ATP10A: variants seen among roughly 807,000 people sequenced by gnomAD.
ATP10A encodes phospholipid-transporting ATPase VA.
Under a neutral mutation model 147.8 loss-of-function variants are expected in ATP10A, and 111 were observed. The ratio of observed to expected loss-of-function variants is 0.75; its 90% CI spans 0.64 to 0.88. The LOEUF (loss-of-function observed/expected upper bound fraction) is 0.88, where lower values mean the gene tolerates loss of function less well. ATP10A is among the 40% of genes least tolerant of loss of function. The probability of loss-of-function intolerance (pLI) is 0.00; values close to 1 mark genes in which losing one functional copy is unlikely to be tolerated. For synonymous variants in ATP10A, 875 were observed against 841.6 expected, an observed-to-expected ratio of 1.04 and a Z score of -0.69; for missense variants, 1,927 against 1,959.0, an observed-to-expected ratio of 0.98 and a Z score of 0.31.
chr15:25,690,893 G>C (rs1289832759), intron 15 of ATP10A, among the ~76,000 whole-genome samples: 1 of 152,176 alleles, frequency 6.6e-6, no homozygotes, highest in African/African-American at 2.4e-5. Context: ...CAAGTGTCAA[G>C]GACCAGCCGT....
downstream of ATP10A, among the ~76,000 whole-genome samples, chr15:25,677,039 G>A (rs765721154): frequency 6.6e-6 from 1 of 151,926 alleles, no homozygotes; most frequent in Non-Finnish European, 1.5e-5. Context: ...AAAGTGAAGA[G>A]GACATAGTAT....
At chr15:25,829,981 T>C (rs1285244667) in intron 1 of ATP10A, among the ~76,000 whole-genome samples, 1 of 152,090 alleles carries the variant, frequency 6.6e-6, no homozygotes, top group African/African-American at 2.4e-5. Context: ...CTCAGGTGTG[T>C]GCTAGGGGCC....
intron 17 of ATP10A, among the ~76,000 whole-genome samples, chr15:25,682,927 G>A (rs1187377244): frequency 2.0e-5 from 3 of 152,136 alleles, no homozygotes; most frequent in African/African-American, 4.8e-5. Context: ...GTGGCTCAGT[G>A]GCTTCCTTGT....
intron 13 of ATP10A, among the ~76,000 whole-genome samples, chr15:25,698,374 C>T (rs924481044): frequency 3.3e-5 from 5 of 152,098 alleles, no homozygotes; most frequent in African/African-American, 4.8e-5. Context: ...AGTGAAGATC[C>T]GCTTTCACTT....
intron 1 of ATP10A, among the ~76,000 whole-genome samples, chr15:25,787,999 G>C (rs1040139740): frequency 6.6e-6 from 1 of 152,134 alleles, no homozygotes. Context: ...GTTCCCGCTA[G>C]GGCAGGGTAG....
At chr15:25,737,110 G>A (rs574012596) in intron 2 of ATP10A, among the ~76,000 whole-genome samples, 16 of 152,218 alleles carry the variant, frequency 1.1e-4, no homozygotes, top group Admixed American at 6.5e-4. Context: ...CTAGATAATC[G>A]TAGCTCGATT....
At chr15:25,838,087 T>C (rs1327891483) in intron 1 of ATP10A, among the ~76,000 whole-genome samples, 1 of 152,202 alleles carries the variant, frequency 6.6e-6, no homozygotes, top group Non-Finnish European at 1.5e-5. Context: ...TCATTAAACA[T>C]GAACCAGCAT....
chr15:25,725,482 C>T (rs1447366323), intron 5 of ATP10A, among the ~76,000 whole-genome samples: 1 of 152,136 alleles, frequency 6.6e-6, no homozygotes, highest in East Asian at 1.9e-4. Context: ...CTCTGTCATG[C>T]CCATTCACCC....
chr15:25,695,157 C>G lies in ATP10A; in HGVS notation c.2761-11G>C. The G allele has an allele frequency of 6.2e-7, 1 of 1,600,296 alleles. No homozygotes were observed. ...GGCTGCACACGCCTCCTGAAAGGGA[C>G]ATGAGAGGACAGCGCAGTTCCCTCA... On this transcript the variant is annotated splice_polypyrimidine_tract_variant and intron_variant, in intron 13 of 20. Transcript: ENST00000555815.
intron 2 of ATP10A, among the ~76,000 whole-genome samples, chr15:25,750,212 A>T: frequency 6.6e-6 from 1 of 152,128 alleles, no homozygotes; most frequent in East Asian, 1.9e-4. Context: ...TGTGTTATGT[A>T]CAAAGGAACA....
intron 1 of ATP10A, among the ~76,000 whole-genome samples, chr15:25,847,514 G>A (rs1344356201): frequency 2.8e-5 from 4 of 145,258 alleles, no homozygotes; most frequent in South Asian, 2.2e-4. Context: ...TTTTTCCACC[G>A]TATCATGATC....
Position 25,680,824 on chromosome 15 carries a change from C to A in ATP10A, c.3664G>T (p.Glu1222Ter). The A allele has an allele frequency of 6.2e-7, 1 of 1,613,414 alleles. No homozygotes were observed. Among genetic ancestry groups the A allele is most frequent in the Non-Finnish European group, 8.5e-7 (1 of 1,179,952 alleles). ...GCGGCTCTTACCCAGGTTTTGGTTT[C>A]AATGCCCAGGTGGAGCAGGAAAGTG... The part of the protein sequence containing the change: ...LLTFLLHLGI[E>*]TKTWTWLNWI... The change falls in exon 19 of 21, where the codon GAA becomes TAA. Residue 1222 changes from glutamate to a stop codon, truncating the protein, a stop_gained. Transcript: ENST00000555815. LOFTEE classifies it high-confidence loss of function.
chr15:25,856,782 C>A (rs1019360731), intron 1 of ATP10A, among the ~76,000 whole-genome samples: 2 of 152,052 alleles, frequency 1.3e-5, no homozygotes, highest in African/African-American at 2.4e-5. Flanking sequence ...ACAACAACAA[C>A]AAAAATTCAA....
At chr15:25,695,234 T>G in intron 13 of ATP10A, 88 bp from the exon 14 acceptor site, 1 of 1,296,814 alleles carries the variant, frequency 7.7e-7, no homozygotes, top group Non-Finnish European at 1.1e-6. Flanking sequence ...GGAGCTGACA[T>G]CCTTCCGGGC....
chr15:25,720,195 G>C (rs1902126707), intron 7 of ATP10A, among the ~76,000 whole-genome samples: 1 of 152,130 alleles, frequency 6.6e-6, no homozygotes, highest in Non-Finnish European at 1.5e-5. Flanking sequence ...GGATAAATCA[G>C]TACTGTATAC....
At position 25,679,421 on chromosome 15, in the gene ATP10A, G is replaced by C; in HGVS notation, c.4420C>G (p.Gln1474Glu). 6.2e-7 allele frequency: 1 copy of C among 1,613,758 alleles called. No homozygotes were observed. Among genetic ancestry groups the C allele is most frequent in the African/African-American group, 1.3e-5 (1 of 75,042 alleles). The change falls in exon 21 of 21, where the codon CAG becomes GAG. Residue 1474 changes from glutamine to glutamate, a missense_variant. Coordinates refer to ENST00000555815, the MANE Select transcript of ATP10A (RefSeq NM_024490.4). ...DGQAGRGLPV[Q>E]PHSGRSGLQG... ...AGTCCTGATCGGCCTGAGTGGGGCT[G>C]GACAGGAAGTCCACGTCCCGCTTGT...
intron 1 of ATP10A, among the ~76,000 whole-genome samples, chr15:25,794,813 G>A (rs1419121398): frequency 2.0e-5 from 3 of 152,152 alleles, no homozygotes; most frequent in Non-Finnish European, 2.9e-5. Flanking sequence ...ATCTTCTCTG[G>A]AGGCCACACA....
At chr15:25,732,505 C>A (rs1886996969) in intron 3 of ATP10A, among the ~76,000 whole-genome samples, 1 of 150,582 alleles carries the variant, frequency 6.6e-6, no homozygotes, top group Non-Finnish European at 1.5e-5. Flanking sequence ...ACTGCCAATC[C>A]ACTTTCTGTG....
intron 3 of ATP10A, 150 bp downstream of exon 3, chr15:25,735,906 A>G: frequency 1.4e-6 from 1 of 715,830 alleles, no homozygotes; most frequent in Non-Finnish European, 2.4e-6. Context: ...AAAGCAGCCA[A>G]GAAGGCTCAG....
Sources: gnomAD v4.1 joint callset for allele counts (sites outside exome capture counted in the v4.1 genomes callset) on GRCh38, gnomAD v4.1.1 for gene constraint, MANE v1.5 for transcripts, NCBI Gene and HGNC (gene_info 2026-07-23, HGNC 2026-07-21) for gene names.